The following KYAT3 variants were observed in gnomAD, a reference collection of about 807,000 sequenced individuals.
KYAT3 encodes the protein kynurenine--oxoglutarate transaminase 3.
A neutral mutation model predicts 59.0 loss-of-function variants in KYAT3; 50 were observed. That is an observed-to-expected ratio of 0.85 (90% CI 0.68 to 1.07). KYAT3 has a LOEUF of 1.07. KYAT3 is among the 50% of genes least tolerant of loss of function. The pLI is 0.00. For missense variants in KYAT3, 497 were observed against 533.3 expected (o/e 0.93, Z 0.67); for synonymous variants, 148 against 177.0 (o/e 0.84, Z 1.30).
intron 2 of KYAT3, chr1:88,981,800 G>A (rs759380888): frequency 1.3e-4 from 29 of 231,738 alleles, no homozygotes; most frequent in Non-Finnish European, 2.1e-4. Flanking sequence ...GATGTGGAAT[G>A]CTGATAGATT....
At chr1:88,934,345 T>G (rs1339572858), downstream of KYAT3, among the ~76,000 whole-genome samples, 1 of 152,104 alleles carries the variant, frequency 6.6e-6, no homozygotes, top group African/African-American at 2.4e-5. Context: ...TCCTAGCTAC[T>G]TGGATGGCTG....
At chr1:88,952,852 A>G (rs1183817596) in intron 10 of KYAT3, among the ~76,000 whole-genome samples, 2 of 152,190 alleles carry the variant, frequency 1.3e-5, no homozygotes, top group Non-Finnish European at 2.9e-5. Context: ...CCTGCCAGCA[A>G]TGTTTAACAC....
chr1:88,929,149 C>T, the KYAT3 span, among the ~76,000 whole-genome samples: 1 of 152,098 alleles, frequency 6.6e-6, no homozygotes, highest in Non-Finnish European at 1.5e-5. Flanking sequence ...CCCCCTTAGA[C>T]CCGAGGCCCA....
rs1236518218 is a variant in KYAT3, at chr1:88,986,325, AATT to A, written c.99+1924_99+1926del. On this transcript the variant is annotated intron_variant, in intron 2 of 13. Coordinates refer to ENST00000260508, the MANE Select transcript of KYAT3 (RefSeq NM_001008661.3). ...TTTTAGACTCTCTTAAAAAAAAAAA[AATT>A]AATAGACTATTTTAGGGCCAGGCGC... Among the ~76,000 whole-genome samples the A allele has an allele frequency of 2.6e-5, 4 of 151,264 alleles. No homozygotes were observed. The East Asian group carries it at 8.0e-4, about 30-fold the overall frequency.
chr1:88,972,887 T>A (rs1390295943), intron 2 of KYAT3, among the ~76,000 whole-genome samples: 1 of 152,236 alleles, frequency 6.6e-6, no homozygotes, highest in Non-Finnish European at 1.5e-5. Context: ...TCTGGAGGTA[T>A]AATGAGATAC....
intron 2 of KYAT3, among the ~76,000 whole-genome samples, chr1:88,986,875 ATATT>A (rs1381143888): frequency 5.9e-5 from 9 of 152,204 alleles, no homozygotes; most frequent in Non-Finnish European, 1.3e-4. Flanking sequence ...AATAGGAAGA[ATATT>A]TATCTTTATC....
chr1:88,953,565 A>AT (rs1379635026), intron 9 of KYAT3, among the ~76,000 whole-genome samples: 1 of 144,646 alleles, frequency 6.9e-6, no homozygotes, highest in African/African-American at 2.5e-5. Flanking sequence ...AAAAAAAAAA[A>AT]AGTTCACACT....
chr1:88,984,027 C>G, intron 2 of KYAT3: 2 of 490,124 alleles, frequency 4.1e-6, no homozygotes, highest in South Asian at 4.3e-5. Context: ...AAATTACTTT[C>G]TTTTGCCACT....
intron 2 of KYAT3, chr1:88,983,070 C>T (rs1292603891): frequency 1.2e-6 from 2 of 1,612,378 alleles, no homozygotes; most frequent in Non-Finnish European, 1.7e-6. Context: ...GGATAGTCAT[C>T]ACGTGAACTG....
In KYAT3 at chr1:88,943,403, TC is replaced by T; in HGVS notation, c.1161del (p.Met387IlefsTer12). On this transcript the variant is annotated frameshift_variant, in exon 12 of 14. Transcript: ENST00000260508. LOFTEE classifies it high-confidence loss of function. ...VSLLDPDLSDMKNNEPYDYKF... is the reference protein window; with the variant it reads ...VSLLDPDLSDXKNNEPYDYKF... ...TTATAGTCATAAGGCTCATTATTCT[TC>T]ATATCAGAGAGGTCTGGATCTAAAA... 6.3e-7 allele frequency: 1 copy of T among 1,581,522 alleles called. No homozygotes were observed. The highest frequency in any genetic ancestry group is 2.3e-5 in the East Asian group (1 of 44,436).
chr1:88,941,325 G>C (rs1335119738), intron 13 of KYAT3, among the ~76,000 whole-genome samples: 1 of 152,138 alleles, frequency 6.6e-6, no homozygotes, highest in Non-Finnish European at 1.5e-5. Flanking sequence ...TAGGTTTAAA[G>C]ATGAGTGAGT....
At chr1:88,937,797 C>G (rs776027824) in intron 13 of KYAT3, among the ~76,000 whole-genome samples, 1 of 152,126 alleles carries the variant, frequency 6.6e-6, no homozygotes, top group Non-Finnish European at 1.5e-5. Flanking sequence ...TAGCCTGAGT[C>G]TAAGCATGAG....
intron 4 of KYAT3, among the ~76,000 whole-genome samples, chr1:88,966,022 A>G (rs932560046): frequency 1.3e-5 from 2 of 152,242 alleles, no homozygotes; most frequent in Non-Finnish European, 1.5e-5. Context: ...GCTTCATGCA[A>G]TAAGTAAAAC....
intron 11 of KYAT3, among the ~76,000 whole-genome samples, chr1:88,945,522 T>G (rs930942008): frequency 1.3e-4 from 20 of 152,226 alleles, no homozygotes; most frequent in African/African-American, 4.8e-4. Flanking sequence ...ATTCTCTATC[T>G]CCTCTTCTCT....
At chr1:88,977,348 C>T (rs915598766) in intron 2 of KYAT3, among the ~76,000 whole-genome samples, 1 of 152,162 alleles carries the variant, frequency 6.6e-6, no homozygotes, top group African/African-American at 2.4e-5. Context: ...ATTACAGGCA[C>T]CTGCCACTAT....
chr1:88,959,238 T>C (rs1360279495), intron 8 of KYAT3, among the ~76,000 whole-genome samples: 2 of 151,318 alleles, frequency 1.3e-5, no homozygotes, highest in African/African-American at 4.9e-5. Flanking sequence ...TCTGAGCCAC[T>C]GCACTCCAGC....
chr1:88,946,442 C>T (rs952449933), intron 11 of KYAT3, among the ~76,000 whole-genome samples: 2 of 152,020 alleles, frequency 1.3e-5, no homozygotes, highest in African/African-American at 4.8e-5. Context: ...GGATTACAGG[C>T]AGGAGTCACT....
downstream of KYAT3, among the ~76,000 whole-genome samples, chr1:88,931,237 T>C (rs761630592): frequency 1.3e-5 from 2 of 152,216 alleles, no homozygotes; most frequent in African/African-American, 2.4e-5. Context: ...CTGTGAAGTG[T>C]GGCAAAGAAA....
At chr1:88,929,310 TG>T in the KYAT3 span, among the ~76,000 whole-genome samples, 3 of 152,302 alleles carry the variant, frequency 2.0e-5, no homozygotes, top group South Asian at 6.2e-4. Context: ...ATGAGGCCGT[TG>T]TCCCTCTATA....
Sources: allele counts gnomAD v4.1 joint callset (sites outside exome capture counted in the v4.1 genomes callset), GRCh38; gene constraint gnomAD v4.1.1; transcripts MANE v1.5; gene names NCBI Gene and HGNC (gene_info 2026-07-23, HGNC 2026-07-21).